Variants in ADAMTSL1 observed in about 807,000 individuals in gnomAD.
ADAMTSL1 encodes ADAMTS like 1, also known as ADAMTS-like protein 1.
ADAMTSL1 carries 126 observed loss-of-function variants against 201.8 expected under a neutral mutation model. That is an observed-to-expected ratio of 0.62 (90% CI 0.54 to 0.72). The LOEUF is 0.72. Among genes scored for constraint, ADAMTSL1 ranks in the 30% least tolerant of loss-of-function variants. The pLI is 0.00. For missense variants in ADAMTSL1, 2,679 were observed against 2,277.8 expected (o/e 1.18, Z -3.59); for synonymous variants, 1,121 against 903.4 (o/e 1.24, Z -4.32).
chr9:18,040,106 G>C (rs1231389813), intron 1 of ADAMTSL1, among the ~76,000 whole-genome samples: 2 of 152,096 alleles, frequency 1.3e-5, no homozygotes, highest in African/African-American at 2.4e-5. Flanking sequence ...TATCATTGAT[G>C]TCAGATTAAA....
intron 3 of ADAMTSL1, among the ~76,000 whole-genome samples, chr9:18,550,298 C>T (rs921817506): frequency 6.6e-6 from 1 of 151,824 alleles, no homozygotes; most frequent in African/African-American, 2.4e-5. Flanking sequence ...GGAAGTATAT[C>T]CTGGAGTATT....
chr9:18,221,878 T>C (rs1035339843), intron 2 of ADAMTSL1, among the ~76,000 whole-genome samples: 1 of 152,126 alleles, frequency 6.6e-6, no homozygotes, highest in African/African-American at 2.4e-5. Flanking sequence ...TTTATCAGTT[T>C]GTCAGGCATG....
At chr9:18,825,390 C>T (rs992874966) in intron 21 of ADAMTSL1, among the ~76,000 whole-genome samples, 3 of 152,160 alleles carry the variant, frequency 2.0e-5, no homozygotes, top group African/African-American at 7.2e-5. Context: ...AAGAGTTGAG[C>T]ACTTTCCTTT....
chr9:18,601,370 C>T (rs1468781201), intron 4 of ADAMTSL1, among the ~76,000 whole-genome samples: 1 of 152,196 alleles, frequency 6.6e-6, no homozygotes, highest in African/African-American at 2.4e-5. Flanking sequence ...GCACAAGTGC[C>T]AGGGCAACTT....
At chr9:18,152,779 A>G (rs1302957672) in intron 1 of ADAMTSL1, among the ~76,000 whole-genome samples, 1 of 152,020 alleles carries the variant, frequency 6.6e-6, no homozygotes, top group East Asian at 1.9e-4. Context: ...GAATGCAAAA[A>G]AAAAGAAATC....
chr9:18,081,503 G>A (rs1019902194), intron 1 of ADAMTSL1, among the ~76,000 whole-genome samples: 6 of 151,946 alleles, frequency 3.9e-5, no homozygotes, highest in Non-Finnish European at 7.4e-5. Context: ...CATTTAACAA[G>A]TCTTCATGAA....
At chr9:18,067,080 A>G (rs989445977) in intron 1 of ADAMTSL1, among the ~76,000 whole-genome samples, 48 of 152,266 alleles carry the variant, frequency 3.2e-4, no homozygotes, top group African/African-American at 1.1e-3. Flanking sequence ...TGGCACATGT[A>G]CACATATGTA....
chr9:18,181,745 T>C (rs1828489015), intron 2 of ADAMTSL1, among the ~76,000 whole-genome samples: 1 of 151,598 alleles, frequency 6.6e-6, no homozygotes, highest in Non-Finnish European at 1.5e-5. Flanking sequence ...CTCAGGGATC[T>C]AGAACTAGAA....
intron 2 of ADAMTSL1, among the ~76,000 whole-genome samples, chr9:18,177,878 C>A (rs1448957048): frequency 6.6e-6 from 1 of 152,168 alleles, no homozygotes; most frequent in Non-Finnish European, 1.5e-5. Context: ...ACAGTCTCTG[C>A]CACAGTGATA....
intron 1 of ADAMTSL1, among the ~76,000 whole-genome samples, chr9:17,946,802 G>C (rs1003889809): frequency 1.3e-5 from 2 of 152,024 alleles, no homozygotes; most frequent in Non-Finnish European, 2.9e-5. Flanking sequence ...TATAAGCTGT[G>C]GTTTCATAAT....
intron 13 of ADAMTSL1, among the ~76,000 whole-genome samples, chr9:18,700,655 G>C (rs886146391): frequency 6.6e-6 from 1 of 151,938 alleles, no homozygotes; most frequent in Non-Finnish European, 1.5e-5. Context: ...AAAATGATGA[G>C]GCAATATGGA....
At chr9:18,228,936 C>A (rs72684934) in intron 2 of ADAMTSL1, among the ~76,000 whole-genome samples, 8,733 of 151,152 alleles carry the variant, frequency 0.058, 303 homozygotes, top group African/African-American at 0.082. Context: ...TCTCACTAAG[C>A]TTTTGGTTTT....
intron 2 of ADAMTSL1, among the ~76,000 whole-genome samples, chr9:18,246,470 C>G (rs1250507407): frequency 2.6e-5 from 4 of 152,018 alleles, no homozygotes; most frequent in Admixed American, 2.6e-4. Context: ...ACATCAGATA[C>G]AAGAAAAGTG....
intron 1 of ADAMTSL1, among the ~76,000 whole-genome samples, chr9:18,015,885 GA>G (rs1820239909): frequency 6.6e-6 from 1 of 152,032 alleles, no homozygotes; most frequent in Non-Finnish European, 1.5e-5. Flanking sequence ...AGTCAAGACT[GA>G]TAACTTCTCA....
intron 1 of ADAMTSL1, among the ~76,000 whole-genome samples, chr9:18,133,824 T>TA (rs915554552): frequency 6.6e-5 from 10 of 152,194 alleles, no homozygotes; most frequent in East Asian, 5.8e-4. Flanking sequence ...TAAAATATTT[T>TA]AAAAAAACTA....
At chr9:18,845,306 T>C (rs898822926) in intron 23 of ADAMTSL1, among the ~76,000 whole-genome samples, 6 of 152,240 alleles carry the variant, frequency 3.9e-5, no homozygotes, top group African/African-American at 2.4e-5. Context: ...ACCAGCCTTT[T>C]CTCATGCCTT....
intron 2 of ADAMTSL1, among the ~76,000 whole-genome samples, chr9:18,253,114 G>C (rs1269767971): frequency 6.6e-6 from 1 of 152,212 alleles, no homozygotes; most frequent in Non-Finnish European, 1.5e-5. Context: ...TAGATGTCAT[G>C]ATGAGTGAGG....
chr9:18,022,727 A>C (rs547711204), intron 1 of ADAMTSL1, among the ~76,000 whole-genome samples: 1 of 152,330 alleles, frequency 6.6e-6, no homozygotes, highest in East Asian at 1.9e-4. Context: ...ATATATAAAG[A>C]AGCATGATTT....
intron 1 of ADAMTSL1, among the ~76,000 whole-genome samples, chr9:18,154,704 G>A (rs1388494452): frequency 2.0e-5 from 3 of 152,028 alleles, no homozygotes; most frequent in Non-Finnish European, 2.9e-5. Flanking sequence ...AATAACTTAG[G>A]ACTTGAGAGA....
Sources: gnomAD v4.1 joint callset for allele counts (sites outside exome capture counted in the v4.1 genomes callset) on GRCh38, gnomAD v4.1.1 for gene constraint, MANE v1.5 for transcripts, NCBI Gene and HGNC (gene_info 2026-07-23, HGNC 2026-07-21) for gene names.